CHMP3: variants seen among roughly 807,000 people sequenced by gnomAD.
CHMP3 encodes charged multivesicular body protein 3.
In CHMP3, 8 loss-of-function variants were observed where a neutral mutation model predicts 27.4. The observed-to-expected ratio is 0.29, with a 90% CI of 0.17 to 0.53. CHMP3 has a LOEUF of 0.53. CHMP3 is among the 20% of genes least tolerant of loss of function. The pLI is 0.96. For synonymous variants in CHMP3, 86 were observed against 85.5 expected (o/e 1.01, Z -0.03); for missense variants, 208 against 271.5 (o/e 0.77, Z 1.64).
At chr2:86,515,249 G>T (rs931662767) in intron 3 of CHMP3, 3 of 152,016 alleles carry the variant, frequency 2.0e-5, no homozygotes, top group Admixed American at 2.0e-4. Flanking sequence ...CTTGTGCAGG[G>T]CCACATTAAT....
intron 3 of CHMP3, among the ~76,000 whole-genome samples, chr2:86,525,569 C>G (rs936395294): frequency 6.6e-6 from 1 of 151,218 alleles, no homozygotes; most frequent in Non-Finnish European, 1.5e-5. Flanking sequence ...ATCCTTGCAT[C>G]AGATGGGATT....
At chr2:86,556,898 G>A (rs189419454) in intron 1 of CHMP3, among the ~76,000 whole-genome samples, 331 of 152,212 alleles carry the variant, frequency 2.2e-3, no homozygotes, top group African/African-American at 4.6e-3. Flanking sequence ...GGTCGGACCC[G>A]GAACACCATC....
intron 1 of CHMP3, 144 bp downstream of exon 1, chr2:86,563,160 G>A (rs1558666832): frequency 7.4e-6 from 7 of 949,334 alleles, no homozygotes; most frequent in Admixed American, 4.5e-5. Context: ...TCTTCCTCCG[G>A]CCCCCCTGTC....
rs1302794471 is a variant in CHMP3 at position 86,524,648 on chromosome 2, G to GT, written c.286+4569dup. 2.6e-5 allele frequency among the ~76,000 whole-genome samples: 4 copies of GT among 152,230 alleles called. No homozygotes were observed. The East Asian group carries it at 5.8e-4, about 22-fold the overall frequency. ...GGGACTTGAACATCCACAAATTTTG[G>GT]TATCTGTGGGGATCCTGGAACCAAT... On this transcript the variant is annotated intron_variant, in intron 3 of 5. Coordinates refer to ENST00000263856, the MANE Select transcript of CHMP3 (RefSeq NM_016079.4).
chr2:86,544,240 A>G (rs1431718116), intron 1 of CHMP3, among the ~76,000 whole-genome samples: 1 of 151,478 alleles, frequency 6.6e-6, no homozygotes, highest in East Asian at 1.9e-4. Flanking sequence ...TTTGGTTACC[A>G]TTTCTACCAC....
At chr2:86,553,443 T>G (rs1248020982) in intron 1 of CHMP3, among the ~76,000 whole-genome samples, 1 of 152,170 alleles carries the variant, frequency 6.6e-6, no homozygotes, top group East Asian at 1.9e-4. Flanking sequence ...GCAATTCTCC[T>G]GCCTCAGCCT....
At chr2:86,543,338 T>C (rs538920200) in intron 1 of CHMP3, among the ~76,000 whole-genome samples, 72 of 152,336 alleles carry the variant, frequency 4.7e-4, no homozygotes, top group African/African-American at 1.7e-3. Context: ...GTGAAAGTTG[T>C]CAGAATCAAA....
At chr2:86,550,244 C>T (rs1309359553) in intron 1 of CHMP3, among the ~76,000 whole-genome samples, 6 of 152,172 alleles carry the variant, frequency 3.9e-5, no homozygotes, top group East Asian at 1.9e-4. Flanking sequence ...GGCGTGGCGG[C>T]GCACGCCCGC....
In CHMP3 at chr2:86,504,708, T is replaced by C. The variant is rs940831015; in HGVS notation, c.*1096A>G. Reference sequence around the variant, plus strand: ...CCATTGTTTCAGGATTTTGCTACAATATACAAAAAACAATCTGTGAGACAG... The same window carrying C: ...CCATTGTTTCAGGATTTTGCTACAACATACAAAAAACAATCTGTGAGACAG... On this transcript the variant is annotated 3_prime_UTR_variant, in exon 6 of 6. Transcript: ENST00000263856. 1.3e-5 allele frequency: 2 copies of C among 152,030 alleles called. No individual in the cohort carries two copies. Among genetic ancestry groups the C allele is most frequent in the Non-Finnish European group, 2.9e-5 (2 of 68,002 alleles). The allele number at this position is 152,030 out of a possible 1,614,324, so 9.4% of individuals were successfully genotyped here.
At chr2:86,524,459 C>T (rs1035235397) in intron 3 of CHMP3, among the ~76,000 whole-genome samples, 2 of 152,242 alleles carry the variant, frequency 1.3e-5, no homozygotes, top group Middle Eastern at 6.8e-3. Context: ...TGTGTCTGTA[C>T]CAAACACGTA....
chr2:86,504,650 A>G lies in CHMP3; in HGVS notation c.*1154T>C, dbSNP rs1674823496. The G allele has an allele frequency of 6.6e-6, 1 of 151,716 alleles. No homozygotes were observed. The highest frequency in any genetic ancestry group is 1.5e-5 in the Non-Finnish European group (1 of 67,980). 9.4% of individuals were successfully genotyped at this position (151,716 alleles called of 1,614,324 possible). A position where few individuals can be genotyped will look rare whatever the true frequency, so the allele number is the denominator to read the frequency against. On this transcript the variant is annotated 3_prime_UTR_variant, in exon 6 of 6. Coordinates refer to ENST00000263856, the MANE Select transcript of CHMP3 (RefSeq NM_016079.4). ...GCATGAACCACCGCACCCAGCCAAG[A>G]TTGCCATTTTGTATGATGAGACTGG... is the stretch of plus-strand genomic sequence containing the variant.
At chr2:86,559,898 T>C (rs1677278929) in intron 1 of CHMP3, among the ~76,000 whole-genome samples, 1 of 152,216 alleles carries the variant, frequency 6.6e-6, no homozygotes, top group Non-Finnish European at 1.5e-5. Context: ...TGAACTCCTA[T>C]ACCTGTGTAT....
At chr2:86,545,573 C>T (rs6715885) in intron 1 of CHMP3, among the ~76,000 whole-genome samples, 4 of 64,510 alleles carry the variant, frequency 6.2e-5, no homozygotes, top group Admixed American at 1.5e-4. Context: ...TCCTCACTTC[C>T]CAGACGGGGC....
Position 86,505,942 on chromosome 2 carries a change from CA to C in CHMP3, c.530del (p.Leu177TrpfsTer8). On this transcript the variant is annotated frameshift_variant, in exon 6 of 6. Transcript: ENST00000263856. LOFTEE classifies it high-confidence loss of function. ...RILFEITAGA[L>X]GKAPSKVTDA... ...CAGTCACTTTACTGGGTGCTTTGCC[CA>C]AGGCCCCTGAAAAGAAAGAGCAAAG... 6.4e-7 allele frequency: 1 copy of C among 1,562,346 alleles called. No individual in the cohort carries two copies. The highest frequency in any genetic ancestry group is 8.7e-7 in the Non-Finnish European group (1 of 1,151,080).
chr2:86,542,266 TCAA>T lies in CHMP3; in HGVS notation c.89_91del (p.Val30del). On this transcript the variant is annotated inframe_deletion, in exon 2 of 6. Transcript: ENST00000263856. ...TGATAACTTACCCCTTATTTGCCTG[TCAA>T]CAACTCTCATTTCCTTTCTTATCTT... 6.2e-7 allele frequency: 1 copy of T among 1,613,560 alleles called. No homozygotes were observed. Among genetic ancestry groups the T allele is most frequent in the East Asian group, 2.2e-5 (1 of 44,792 alleles).
At chr2:86,532,798 G>T (rs1320421560) in intron 2 of CHMP3, among the ~76,000 whole-genome samples, 1 of 152,152 alleles carries the variant, frequency 6.6e-6, no homozygotes, top group Non-Finnish European at 1.5e-5. Flanking sequence ...TGGCCGTGAT[G>T]TATACTCATT....
At chr2:86,524,900 C>T (rs1182381865) in intron 3 of CHMP3, among the ~76,000 whole-genome samples, 2 of 152,294 alleles carry the variant, frequency 1.3e-5, no homozygotes, top group East Asian at 3.9e-4. Flanking sequence ...TTCAAACAAT[C>T]CAACTTCTCT....
At chr2:86,530,588 G>A (rs951532379) in intron 2 of CHMP3, among the ~76,000 whole-genome samples, 4 of 152,176 alleles carry the variant, frequency 2.6e-5, no homozygotes, top group East Asian at 1.9e-4. Flanking sequence ...TTAACCATTC[G>A]TCAGTGGACA....
At chr2:86,558,590 T>A (rs1011542020) in intron 1 of CHMP3, among the ~76,000 whole-genome samples, 1 of 152,188 alleles carries the variant, frequency 6.6e-6, no homozygotes, top group African/African-American at 2.4e-5. Flanking sequence ...CACCATGGCC[T>A]AAATGGTACC....
Sources: allele counts gnomAD v4.1 joint callset (sites outside exome capture counted in the v4.1 genomes callset), GRCh38; gene constraint gnomAD v4.1.1; transcripts MANE v1.5; gene names NCBI Gene and HGNC (gene_info 2026-07-23, HGNC 2026-07-21).